PTPRR: variants seen among roughly 807,000 people sequenced by gnomAD.
PTPRR encodes the protein receptor-type tyrosine-protein phosphatase R.
Under a neutral mutation model 77.2 loss-of-function variants are expected in PTPRR, and 38 were observed. The observed-to-expected ratio is 0.49, with a 90% CI of 0.38 to 0.65. The LOEUF is 0.65. PTPRR is among the 30% of genes least tolerant of loss of function. The pLI, the probability that PTPRR is intolerant of heterozygous loss-of-function variation, is 0.00. For missense variants in PTPRR, 744 were observed against 799.2 expected (o/e 0.93, Z 0.83); for synonymous variants, 299 against 283.1 (o/e 1.06, Z -0.57).
chr12:70,826,731 C>T (rs1381744027), intron 2 of PTPRR, among the ~76,000 whole-genome samples: 1 of 152,182 alleles, frequency 6.6e-6, no homozygotes, highest in African/African-American at 2.4e-5. Context: ...ACATGTATGG[C>T]GTTCACTAGT....
chr12:70,779,301 T>C (rs1403697727), intron 2 of PTPRR, among the ~76,000 whole-genome samples: 1 of 152,168 alleles, frequency 6.6e-6, no homozygotes, highest in East Asian at 1.9e-4. Flanking sequence ...TCCTATTAAC[T>C]GTGAGCTTCA....
intron 12 of PTPRR, among the ~76,000 whole-genome samples, chr12:70,657,428 G>T (rs980507744): frequency 2.8e-4 from 42 of 152,210 alleles, no homozygotes; most frequent in African/African-American, 9.9e-4. Context: ...TAATTGAACA[G>T]AAATGATGTC....
chr12:70,675,300 T>C (rs1887403293), intron 10 of PTPRR, among the ~76,000 whole-genome samples: 1 of 152,048 alleles, frequency 6.6e-6, no homozygotes, highest in Admixed American at 6.5e-5. Context: ...TTTAGTATGA[T>C]TTGGATTTTT....
At chr12:70,851,588 G>A (rs1892572876) in intron 2 of PTPRR, among the ~76,000 whole-genome samples, 1 of 152,106 alleles carries the variant, frequency 6.6e-6, no homozygotes, top group African/African-American at 2.4e-5. Context: ...CTCTGTAGGT[G>A]TTTTGTGAAG....
At chr12:70,888,290 CATG>C (rs960568572) in intron 2 of PTPRR, among the ~76,000 whole-genome samples, 18 of 152,190 alleles carry the variant, frequency 1.2e-4, no homozygotes, top group African/African-American at 4.3e-4. Context: ...TTATCACTAT[CATG>C]ATATCTTTTG....
intron 10 of PTPRR, among the ~76,000 whole-genome samples, chr12:70,676,068 T>A (rs551572007): frequency 6.6e-6 from 1 of 152,122 alleles, no homozygotes; most frequent in Admixed American, 6.5e-5. Flanking sequence ...CTATCTATTA[T>A]TTCTTCAAAT....
intron 6 of PTPRR, among the ~76,000 whole-genome samples, chr12:70,717,784 G>A (rs1017675935): frequency 6.6e-6 from 1 of 152,098 alleles, no homozygotes; most frequent in Non-Finnish European, 1.5e-5. Context: ...GGGATTTGTA[G>A]GTGTGAAAAG....
intron 6 of PTPRR, among the ~76,000 whole-genome samples, chr12:70,710,754 T>C (rs1012563535): frequency 6.6e-6 from 1 of 151,988 alleles, no homozygotes; most frequent in African/African-American, 2.4e-5. Flanking sequence ...GAACAGACAC[T>C]TCCCAAAAGA....
At chr12:70,898,091 A>C (rs993826659) in intron 1 of PTPRR, among the ~76,000 whole-genome samples, 1 of 151,932 alleles carries the variant, frequency 6.6e-6, no homozygotes, top group African/African-American at 2.4e-5. Flanking sequence ...AACATGGCAC[A>C]TGTATATGTA....
Position 70,765,315 on chromosome 12 carries a change from C to T in PTPRR, c.358-537G>A, listed in dbSNP as rs575900125. On this transcript the variant is annotated intron_variant, in intron 2 of 13. Transcript: ENST00000283228. ...TCGGGTCACTCCCACCCCAATACTG[C>T]GCTTTTCCGACGGGCTTAAAAAATG... Among the ~76,000 whole-genome samples, 34 of 152,280 alleles carry T rather than the reference C, an allele frequency of 2.2e-4. 1 individual carries two copies. In the South Asian group the frequency reaches 6.0e-3, roughly 27 times the overall value.
At chr12:70,853,189 G>A (rs138086850) in intron 2 of PTPRR, among the ~76,000 whole-genome samples, 62 of 152,274 alleles carry the variant, frequency 4.1e-4, no homozygotes, top group African/African-American at 1.3e-3. Flanking sequence ...ACTGTGCTAA[G>A]GGCTTCTCAT....
chr12:70,873,024 T>A (rs984304830), intron 2 of PTPRR, among the ~76,000 whole-genome samples: 2 of 152,184 alleles, frequency 1.3e-5, no homozygotes, highest in Non-Finnish European at 2.9e-5. Context: ...ATATCCTGAT[T>A]TTTATGAGAA....
At chr12:70,851,772 G>A (rs1381328205) in intron 2 of PTPRR, among the ~76,000 whole-genome samples, 1 of 152,144 alleles carries the variant, frequency 6.6e-6, no homozygotes, top group African/African-American at 2.4e-5. Context: ...AGCCATTGAT[G>A]TTTAGATGTA....
intron 2 of PTPRR, among the ~76,000 whole-genome samples, chr12:70,824,633 C>T (rs1892077618): frequency 6.6e-6 from 1 of 152,146 alleles, no homozygotes; most frequent in Non-Finnish European, 1.5e-5. Context: ...GTTGCCTGTA[C>T]AGGGAGAAGC....
At chr12:70,648,779 A>G (rs1241043356) in intron 13 of PTPRR, among the ~76,000 whole-genome samples, 1 of 152,138 alleles carries the variant, frequency 6.6e-6, no homozygotes, top group African/African-American at 2.4e-5. Flanking sequence ...TCTTTTAATT[A>G]AAAGCGAATG....
intron 13 of PTPRR, among the ~76,000 whole-genome samples, chr12:70,648,552 G>T (rs1165803599): frequency 1.3e-5 from 2 of 152,164 alleles, no homozygotes; most frequent in Non-Finnish European, 2.9e-5. Flanking sequence ...GATATTTCTG[G>T]TTTTTATACC....
intron 1 of PTPRR, among the ~76,000 whole-genome samples, chr12:70,913,675 G>A (rs1893733600): frequency 6.6e-6 from 1 of 152,064 alleles, no homozygotes; most frequent in African/African-American, 2.4e-5. Flanking sequence ...CTTATCTTAT[G>A]GAGTGTATTT....
chr12:70,865,855 G>A (rs532467116), intron 2 of PTPRR, among the ~76,000 whole-genome samples: 78 of 152,210 alleles, frequency 5.1e-4, no homozygotes, highest in Admixed American at 4.9e-3. Context: ...CACGTATTCT[G>A]TCTAAAGAGA....
intron 1 of PTPRR, among the ~76,000 whole-genome samples, chr12:70,902,133 A>T (rs1370241705): frequency 2.0e-5 from 3 of 151,816 alleles, no homozygotes; most frequent in Non-Finnish European, 2.9e-5. Flanking sequence ...TTACTCGTGC[A>T]AGAATGGCCA....
Sources: allele counts gnomAD v4.1 joint callset (sites outside exome capture counted in the v4.1 genomes callset), GRCh38; gene constraint gnomAD v4.1.1; transcripts MANE v1.5; gene names NCBI Gene and HGNC (gene_info 2026-07-23, HGNC 2026-07-21).